FAM174B: variants seen among roughly 807,000 people sequenced by gnomAD.
FAM174B encodes the protein membrane protein FAM174B.
FAM174B carries 12 observed loss-of-function variants against 10.9 expected under a neutral mutation model. The ratio of observed to expected loss-of-function variants is 1.10; its 90% CI spans 0.71 to 1.79. The LOEUF is 1.79. Ranked by LOEUF, FAM174B falls within the 40% of genes most tolerant of loss-of-function variation. The pLI is 0.00. For synonymous variants in FAM174B, 132 were observed against 115.8 expected (o/e 1.14, Z -0.90); for missense variants, 266 against 233.3 (o/e 1.14, Z -0.91).
At chr15:92,631,360 TATTATATTA>T (rs2050811020) in intron 1 of FAM174B, among the ~76,000 whole-genome samples, 1 of 28,926 alleles carries the variant, frequency 3.5e-5, no homozygotes, top group African/African-American at 1.9e-4. Flanking sequence ...ATATATTATA[TATTATATTA>T]TATATAATAT....
intron 2 of FAM174B, among the ~76,000 whole-genome samples, chr15:92,621,496 C>T (rs916942027): frequency 1.3e-5 from 2 of 151,702 alleles, no homozygotes; most frequent in African/African-American, 4.8e-5. Flanking sequence ...CCTGTAGTCC[C>T]AGCTACCCAA....
chr15:92,636,691 G>A (rs1003407269), intron 1 of FAM174B, among the ~76,000 whole-genome samples: 7 of 152,310 alleles, frequency 4.6e-5, no homozygotes, highest in Non-Finnish European at 1.0e-4. Context: ...GGCATAGTGA[G>A]CACATATGAC....
intron 1 of FAM174B, among the ~76,000 whole-genome samples, chr15:92,654,694 C>T (rs1014646023): frequency 6.6e-6 from 1 of 151,958 alleles, no homozygotes; most frequent in Middle Eastern, 3.2e-3. Context: ...AATCCTGAAG[C>T]TCAGCTCCAA....
rs538987309 is a variant in FAM174B, at chr15:92,618,782, A to C, written c.*674T>G. 1 of 171,412 alleles carries C rather than the reference A, an allele frequency of 5.8e-6. No homozygotes were observed. The highest frequency in any genetic ancestry group is 5.6e-5 in the Admixed American group (1 of 17,786). 10.6% of individuals were successfully genotyped at this position (171,412 alleles called of 1,614,324 possible). ...CACACACACGCACAGTTTTTCCCTGATACTGGAAATTCTTTGTGAACTAGC... is the reference window on the plus strand; with the variant it reads ...CACACACACGCACAGTTTTTCCCTGCTACTGGAAATTCTTTGTGAACTAGC... On this transcript the variant is annotated 3_prime_UTR_variant, in exon 3 of 3. Coordinates refer to ENST00000327355, the MANE Select transcript of FAM174B (RefSeq NM_207446.3).
At chr15:92,630,009 T>C (rs1278519095) in intron 2 of FAM174B, among the ~76,000 whole-genome samples, 2 of 152,206 alleles carry the variant, frequency 1.3e-5, no homozygotes, top group Non-Finnish European at 1.5e-5. Flanking sequence ...CCTCTCTTTA[T>C]ACATTTCCTA....
At chr15:92,629,750 C>T (rs969599443) in intron 2 of FAM174B, among the ~76,000 whole-genome samples, 3 of 152,150 alleles carry the variant, frequency 2.0e-5, no homozygotes, top group Admixed American at 2.0e-4. Flanking sequence ...TGAACTGTAG[C>T]TCCCACAATT....
intron 1 of FAM174B, among the ~76,000 whole-genome samples, chr15:92,639,795 G>A (rs1567047810): frequency 6.6e-6 from 1 of 152,150 alleles, no homozygotes; most frequent in Non-Finnish European, 1.5e-5. Context: ...CACCATGTGA[G>A]TGCCTGCTCC....
chr15:92,650,586 G>A (rs896868172), intron 1 of FAM174B, among the ~76,000 whole-genome samples: 8 of 152,162 alleles, frequency 5.3e-5, no homozygotes, highest in Non-Finnish European at 7.3e-5. Flanking sequence ...ACTTGCCCCC[G>A]CTCTGCTCAT....
chr15:92,646,838 C>G (rs772626137), intron 1 of FAM174B, among the ~76,000 whole-genome samples: 4 of 152,162 alleles, frequency 2.6e-5, no homozygotes, highest in African/African-American at 4.8e-5. Flanking sequence ...TGGAAGTTAT[C>G]CCCCCTTCCA....
intron 1 of FAM174B, among the ~76,000 whole-genome samples, chr15:92,648,490 G>A (rs1596303157): frequency 6.6e-6 from 1 of 152,062 alleles, no homozygotes; most frequent in African/African-American, 2.4e-5. Context: ...CGCTGGACAG[G>A]GCCAAACTCA....
intron 1 of FAM174B, among the ~76,000 whole-genome samples, chr15:92,650,916 C>G (rs941135113): frequency 6.6e-6 from 1 of 152,170 alleles, no homozygotes. Flanking sequence ...AAAGGGCCCT[C>G]GGTCTCCAGC....
chr15:92,652,637 C>T (rs928540240), intron 1 of FAM174B, among the ~76,000 whole-genome samples: 2 of 152,090 alleles, frequency 1.3e-5, no homozygotes, highest in East Asian at 1.9e-4. Flanking sequence ...GTTGGAGGCA[C>T]GAACCCCAGC....
chr15:92,623,912 G>C (rs1407782534), intron 2 of FAM174B, among the ~76,000 whole-genome samples: 1 of 152,180 alleles, frequency 6.6e-6, no homozygotes, highest in East Asian at 1.9e-4. Flanking sequence ...TGATACTTAG[G>C]ATGATTTGTG....
intron 1 of FAM174B, among the ~76,000 whole-genome samples, chr15:92,644,068 A>G (rs564209769): frequency 6.6e-5 from 10 of 152,206 alleles, no homozygotes; most frequent in Middle Eastern, 3.4e-3. Flanking sequence ...TCCTCAGGAC[A>G]TAAGAAGTAA....
In FAM174B at chr15:92,630,328, T is replaced by G; in HGVS notation, c.362A>C (p.Lys121Thr). ...LRVFRSGKRL[K>T]KTRKYDIITT... is the part of the protein sequence containing the mutation. ...GATGATATCATACTTGCGTGTCTTCTTTAACCTCTTTCCCGACCTGCAGGA... is the reference window on the plus strand; with the variant it reads ...GATGATATCATACTTGCGTGTCTTCGTTAACCTCTTTCCCGACCTGCAGGA... Residue 121 changes from lysine (K) to threonine (T), a missense_variant, in exon 2 of 3, where the codon AAG (lysine) becomes ACG (threonine). By Grantham distance (78) the Lys-to-Thr change is moderately conservative. Coordinates refer to ENST00000327355, the MANE Select transcript of FAM174B (RefSeq NM_207446.3). 1 of 1,612,974 alleles carries G rather than the reference T, an allele frequency of 6.2e-7. No individual in the cohort carries two copies. The highest frequency in any genetic ancestry group is 8.5e-7 in the Non-Finnish European group (1 of 1,179,386).
chr15:92,653,763 G>A lies in FAM174B; in HGVS notation c.344+1553C>T, dbSNP rs1221831227. The stretch of plus-strand genomic sequence containing the variant: ...TGGCTGCACGCACTTGTAGAATATA[G>A]AGGCAAGAATTAGGCTAGAAGCGGG... On this transcript the variant is annotated intron_variant, in intron 1 of 2. Coordinates refer to ENST00000327355, the MANE Select transcript of FAM174B (RefSeq NM_207446.3). 2.6e-5 allele frequency among the ~76,000 whole-genome samples: 4 copies of A among 152,256 alleles called. No individual in the cohort carries two copies. In the East Asian group the frequency reaches 7.7e-4, roughly 29 times the overall value.
At chr15:92,623,234 G>A (rs1183023076) in intron 2 of FAM174B, among the ~76,000 whole-genome samples, 1 of 151,946 alleles carries the variant, frequency 6.6e-6, no homozygotes, top group Non-Finnish European at 1.5e-5. Context: ...GCAGGGCCAG[G>A]CTTACCCAGC....
intron 1 of FAM174B, among the ~76,000 whole-genome samples, chr15:92,637,143 C>G (rs1280643717): frequency 2.0e-5 from 3 of 152,206 alleles, no homozygotes; most frequent in Non-Finnish European, 4.4e-5. Context: ...CATTGCTACC[C>G]CCCAGGCCAT....
intron 2 of FAM174B, among the ~76,000 whole-genome samples, chr15:92,620,215 C>T (rs933603040): frequency 5.9e-5 from 9 of 152,152 alleles, no homozygotes; most frequent in East Asian, 1.9e-4. Context: ...ATAAGAAGTA[C>T]AAGAAATAAG....
Sources: allele counts gnomAD v4.1 joint callset (sites outside exome capture counted in the v4.1 genomes callset), GRCh38; gene constraint gnomAD v4.1.1; transcripts MANE v1.5; gene names NCBI Gene and HGNC (gene_info 2026-07-23, HGNC 2026-07-21).